Variants in LNPEP observed in about 807,000 individuals in gnomAD.
The protein encoded by LNPEP is leucyl and cystinyl aminopeptidase.
In LNPEP, 64 loss-of-function variants were observed where a neutral mutation model predicts 120.6. The ratio of observed to expected loss-of-function variants is 0.53; its 90% confidence interval spans 0.43 to 0.65. The LOEUF (loss-of-function observed/expected upper bound fraction) is 0.65. Ranked by LOEUF, LNPEP falls within the 30% of genes least tolerant of loss-of-function variation. The pLI is 0.00. For missense variants in LNPEP, 1,057 were observed against 1,200.0 expected (o/e 0.88, Z 1.76); for synonymous variants, 435 against 425.4 (o/e 1.02, Z -0.28).
At chr5:97,015,242 C>A in intron 13 of LNPEP, 147 bp downstream of exon 13, 1 of 522,218 alleles carries the variant, frequency 1.9e-6, no homozygotes, top group Non-Finnish European at 3.3e-6. Context: ...TACTTAAAAT[C>A]AAGATGTTGC....
At chr5:97,006,042 A>T in intron 9 of LNPEP, 31 bp from the exon 10 acceptor site, 1 of 745,576 alleles carries the variant, frequency 1.3e-6, no homozygotes, top group Non-Finnish European at 1.7e-6. Flanking sequence ...TTAAGGAAAA[A>T]GTTTTATATA....
chr5:97,003,204 A>G (rs1790694748), intron 8 of LNPEP, among the ~76,000 whole-genome samples: 1 of 152,218 alleles, frequency 6.6e-6, no homozygotes, highest in Non-Finnish European at 1.5e-5. Context: ...GAATCTACTC[A>G]TTAATTCTTT....
In LNPEP at chr5:97,035,700, T is replaced by G. The variant is rs1240879195; in HGVS notation, c.*7167T>G. ...TCCGCCATTATTTTCCTTTAACACT[T>G]AGTCCCTTGCAAGGGGTCTGACTAT... is the stretch of plus-strand genomic sequence containing the variant. On this transcript the variant is annotated 3_prime_UTR_variant, in exon 18 of 18. Transcript: ENST00000231368. 1 of 152,176 alleles carries G rather than the reference T, an allele frequency of 6.6e-6. No individual in the cohort carries two copies. Among genetic ancestry groups the G allele is most frequent in the Non-Finnish European group, 1.5e-5 (1 of 68,012 alleles). The allele number at this position is 152,176 out of a possible 1,614,324, so 9.4% of individuals were successfully genotyped here. A position where few individuals can be genotyped will look rare whatever the true frequency, so the allele number is the denominator to read the frequency against.
chr5:96,975,118 A>G (rs976354825), intron 1 of LNPEP, among the ~76,000 whole-genome samples: 4 of 152,156 alleles, frequency 2.6e-5, no homozygotes, highest in African/African-American at 7.2e-5. Context: ...TAGGTGAGGA[A>G]ATTGAGGCTA....
intron 1 of LNPEP, among the ~76,000 whole-genome samples, chr5:96,945,574 G>A (rs1226821262): frequency 1.3e-5 from 2 of 152,146 alleles, no homozygotes; most frequent in Non-Finnish European, 2.9e-5. Flanking sequence ...TTATACTAGA[G>A]TCAGTTTAGA....
chr5:97,019,456 AATT>A (rs1397793870), intron 13 of LNPEP, among the ~76,000 whole-genome samples: 12 of 152,156 alleles, frequency 7.9e-5, no homozygotes, highest in African/African-American at 2.9e-4. Flanking sequence ...CTAATAATAT[AATT>A]ATTCTTTCTT....
rs1791410969 is a variant in LNPEP, at chr5:97,028,832, A to G, written c.*299A>G. ...GATGGGGACAAAAACCCTGTTTTGG[A>G]ATTCTGTTCTATTCCTCAGTATCCA... On this transcript the variant is annotated 3_prime_UTR_variant, in exon 18 of 18. Transcript: ENST00000231368. The G allele has an allele frequency of 2.9e-5, 7 of 244,682 alleles. No homozygotes were observed. In the South Asian group the frequency reaches 3.8e-4, roughly 13 times the overall value. The allele number at this position is 244,682 out of a possible 1,614,324, so 15.2% of individuals were successfully genotyped here.
At chr5:96,953,682 T>C (rs1486741160) in intron 1 of LNPEP, among the ~76,000 whole-genome samples, 8 of 152,258 alleles carry the variant, frequency 5.3e-5, no homozygotes, top group African/African-American at 1.9e-4. Context: ...TCATGTGTTA[T>C]CTTGGCTTTT....
rs1466965525 is a variant in LNPEP, at chr5:97,029,690, T to C, written c.*1157T>C. On this transcript the variant is annotated 3_prime_UTR_variant, in exon 18 of 18. Coordinates refer to ENST00000231368, the MANE Select transcript of LNPEP (RefSeq NM_005575.3). ...GTTTAGTATGGTGGGCTTTGAATTT[T>C]TTTCACTATCAAAAATAGTGCTTTT... 1 of 152,208 alleles carries C rather than the reference T, an allele frequency of 6.6e-6. No homozygotes were observed. The highest frequency in any genetic ancestry group is 1.5e-5 in the Non-Finnish European group (1 of 68,036). The allele number at this position is 152,208 out of a possible 1,614,324, so 9.4% of individuals were successfully genotyped here.
At chr5:96,982,768 C>T (rs2112611425) in intron 2 of LNPEP, among the ~76,000 whole-genome samples, 1 of 152,206 alleles carries the variant, frequency 6.6e-6, no homozygotes, top group East Asian at 1.9e-4. Context: ...GTTATTTGGG[C>T]ACACATCCTT....
chr5:96,988,339 CTTT>C (rs201343272), intron 4 of LNPEP, among the ~76,000 whole-genome samples: 1 of 125,228 alleles, frequency 8.0e-6, no homozygotes, highest in Admixed American at 8.7e-5. Flanking sequence ...TTTTTCTTTT[CTTT>C]TTTTTTTTTT....
chr5:97,006,284 A>G, intron 10 of LNPEP, 51 bp downstream of exon 10: 5 of 1,483,170 alleles, frequency 3.4e-6, no homozygotes, highest in Non-Finnish European at 4.6e-6. Context: ...CTCAGGTGGA[A>G]ATATTTTTAA....
At chr5:97,003,959 A>G (rs1345160171) in intron 9 of LNPEP, among the ~76,000 whole-genome samples, 1 of 151,994 alleles carries the variant, frequency 6.6e-6, no homozygotes, top group Non-Finnish European at 1.5e-5. Flanking sequence ...ACTCTGCTCT[A>G]TGAATCTCTT....
Position 96,979,516 on chromosome 5 carries a change from G to C in LNPEP, c.398G>C (p.Arg133Thr). 6.2e-7 allele frequency: 1 copy of C among 1,614,062 alleles called. No homozygotes were observed. Among genetic ancestry groups the C allele is most frequent in the Non-Finnish European group, 8.5e-7 (1 of 1,179,978 alleles). The change falls in exon 2 of 18, where the codon AGA (arginine) becomes ACA (threonine). Residue 133 changes from arginine to threonine, a missense_variant. Physicochemically the swap from Arg to Thr is moderately conservative, Grantham distance 71. Transcript: ENST00000231368. Reference sequence around the variant, plus strand: ...ATCATGGTGATTTACTTACTGCCCAGATGTACCTTTACCAAAGAAGGCTGC... The same window carrying C: ...ATCATGGTGATTTACTTACTGCCCACATGTACCTTTACCAAAGAAGGCTGC... ...SVIMVIYLLP[R>T]CTFTKEGCHK...
intron 1 of LNPEP, among the ~76,000 whole-genome samples, chr5:96,943,915 T>C (rs954980040): frequency 2.0e-5 from 3 of 152,210 alleles, no homozygotes; most frequent in East Asian, 1.9e-4. Context: ...TTTCTCTGGA[T>C]TGTGGGGCTC....
At position 96,964,174 on chromosome 5, in the gene LNPEP, C is replaced by T. The variant is rs1291015999; in HGVS notation, c.20-14964C>T. ...TCATGTGGTATTTGTCTTTCTGTGT[C>T]TGACTTTTAATAGCAGATTGTATCG... On this transcript the variant is annotated intron_variant, in intron 1 of 17. Coordinates refer to ENST00000231368, the MANE Select transcript of LNPEP (RefSeq NM_005575.3). 2.0e-5 allele frequency among the ~76,000 whole-genome samples: 3 copies of T among 150,480 alleles called. No homozygotes were observed. In the East Asian group the frequency reaches 5.8e-4, roughly 29 times the overall value.
intron 7 of LNPEP, among the ~76,000 whole-genome samples, chr5:96,997,544 C>T (rs772551302): frequency 1.3e-5 from 2 of 152,064 alleles, no homozygotes; most frequent in Admixed American, 6.6e-5. Flanking sequence ...TTAAGAGTTA[C>T]ATTTTATTTA....
chr5:96,976,254 A>AT (rs1324070539), intron 1 of LNPEP, among the ~76,000 whole-genome samples: 1 of 152,194 alleles, frequency 6.6e-6, no homozygotes, highest in African/African-American at 2.4e-5. Context: ...ACAAAAAAAA[A>AT]ACTGTGCTTC....
Position 97,027,786 on chromosome 5 carries a change from T to A in LNPEP, c.2918T>A (p.Leu973Gln), listed in dbSNP as rs1165347215. ...AATATTGTTGCTGGATCAACTTACC[T>A]GTTTTCAACAAAGACACATTTATCT... Reference protein sequence around the residue: ...IQNIVAGSTYLFSTKTHLSEV... With the variant: ...IQNIVAGSTYQFSTKTHLSEV... Residue 973 changes from leucine to glutamine, a missense_variant, in exon 17 of 18, where the codon CTG becomes CAG. Physicochemically the swap from Leu to Gln is moderately radical, Grantham distance 113. Coordinates refer to ENST00000231368, the MANE Select transcript of LNPEP (RefSeq NM_005575.3). 1 of 1,608,884 alleles carries A rather than the reference T, an allele frequency of 6.2e-7. No homozygotes were observed. The highest frequency in any genetic ancestry group is 8.5e-7 in the Non-Finnish European group (1 of 1,175,198).
Sources: allele counts gnomAD v4.1 joint callset (sites outside exome capture counted in the v4.1 genomes callset), GRCh38; gene constraint gnomAD v4.1.1; transcripts MANE v1.5; gene names NCBI Gene and HGNC (gene_info 2026-07-23, HGNC 2026-07-21).